The following GRM7 variants were observed in gnomAD, a reference collection of about 807,000 sequenced individuals.
The protein encoded by GRM7 is metabotropic glutamate receptor 7.
GRM7 carries 35 observed loss-of-function variants against 84.5 expected under a neutral mutation model. That is an observed-to-expected ratio of 0.41 (90% CI 0.32 to 0.55). The LOEUF (loss-of-function observed/expected upper bound fraction) is 0.55. Among genes scored for constraint, GRM7 ranks in the 20% least tolerant of loss-of-function variants. The pLI is 0.19. For synonymous variants in GRM7, 487 were observed against 455.1 expected, an observed-to-expected ratio of 1.07 and a Z score of -0.89; for missense variants, 1,003 against 1,194.6, an observed-to-expected ratio of 0.84 and a Z score of 2.36.
At chr3:7,534,909 G>A (rs527853114) in intron 7 of GRM7, among the ~76,000 whole-genome samples, 34 of 152,230 alleles carry the variant, frequency 2.2e-4, no homozygotes, top group Non-Finnish European at 4.3e-4. Context: ...GGGTGTTCTG[G>A]GGGGTGGTTG....
chr3:7,552,434 A>G (rs953334227), intron 7 of GRM7, among the ~76,000 whole-genome samples: 1 of 152,182 alleles, frequency 6.6e-6, no homozygotes, highest in African/African-American at 2.4e-5. Context: ...CAGTGCCACA[A>G]TGGGGACTCT....
Position 7,111,816 on chromosome 3 carries a change from G to C in GRM7, c.520-34636G>C, listed in dbSNP as rs551763053. 2.6e-5 allele frequency among the ~76,000 whole-genome samples: 4 copies of C among 152,176 alleles called. 1 individual carries two copies. The highest frequency in any genetic ancestry group is 9.6e-5 in the African/African-American group (4 of 41,522). On this transcript the variant is annotated intron_variant, in intron 1 of 9. Coordinates refer to ENST00000357716, the MANE Select transcript of GRM7 (RefSeq NM_000844.4). ...TCATTTCTATGTAAACTTAAGATTT[G>C]TACATAGCCTCATTTCTTTTTCTCC...
intron 1 of GRM7, among the ~76,000 whole-genome samples, chr3:7,043,013 C>G (rs993996017): frequency 6.6e-6 from 1 of 152,172 alleles, no homozygotes; most frequent in South Asian, 2.1e-4. Flanking sequence ...TGTTAAAGAG[C>G]TAAGTTTTGC....
intron 4 of GRM7, among the ~76,000 whole-genome samples, chr3:7,405,979 A>G (rs1379947096): frequency 3.3e-5 from 5 of 151,620 alleles, no homozygotes; most frequent in African/African-American, 7.3e-5. Context: ...GTAATATTAT[A>G]TATATAATGG....
intron 1 of GRM7, among the ~76,000 whole-genome samples, chr3:7,016,730 T>G (rs1391950): frequency 4.3e-4 from 66 of 152,080 alleles, no homozygotes; most frequent in African/African-American, 1.5e-3. Context: ...CATGGTATAG[T>G]GCCAACATTC....
At chr3:7,541,230 C>A (rs1489034031) in intron 7 of GRM7, among the ~76,000 whole-genome samples, 1 of 151,908 alleles carries the variant, frequency 6.6e-6, no homozygotes, top group Non-Finnish European at 1.5e-5. Context: ...TGTAAAAATG[C>A]TATTTTTCTT....
At chr3:7,698,646 G>A (rs1485969995) in intron 9 of GRM7, among the ~76,000 whole-genome samples, 1 of 152,158 alleles carries the variant, frequency 6.6e-6, no homozygotes, top group African/African-American at 2.4e-5. Context: ...CTACTGACAT[G>A]TGGGCCTGGA....
rs574329862 is a variant in GRM7, at chr3:7,127,140, T to C, written c.520-19312T>C. 2.0e-5 allele frequency among the ~76,000 whole-genome samples: 3 copies of C among 152,332 alleles called. No individual in the cohort carries two copies. In the South Asian group the frequency reaches 6.2e-4, roughly 32 times the overall value. On this transcript the variant is annotated intron_variant, in intron 1 of 9. Transcript: ENST00000357716. ...TGTAAAAAATTATCTGACACTCTTC[T>C]TCCAGAAAGGTGGAAGGATATATGT...
intron 1 of GRM7, among the ~76,000 whole-genome samples, chr3:6,991,434 T>C (rs999541211): frequency 3.3e-5 from 5 of 152,082 alleles, no homozygotes; most frequent in African/African-American, 1.2e-4. Context: ...AGAACAAATT[T>C]AGTATTCGAA....
intron 1 of GRM7, among the ~76,000 whole-genome samples, chr3:6,920,042 T>C (rs1050008244): frequency 6.6e-6 from 1 of 152,226 alleles, no homozygotes; most frequent in Non-Finnish European, 1.5e-5. Flanking sequence ...GAGACAAAGC[T>C]ATCTTGTATT....
chr3:7,557,500 C>T (rs1693826937), intron 7 of GRM7, among the ~76,000 whole-genome samples: 1 of 152,020 alleles, frequency 6.6e-6, no homozygotes, highest in South Asian at 2.1e-4. Flanking sequence ...AAATAAGTTG[C>T]CATGTATTTA....
chr3:7,013,653 T>A (rs1004996004), intron 1 of GRM7, among the ~76,000 whole-genome samples: 1 of 152,170 alleles, frequency 6.6e-6, no homozygotes, highest in Admixed American at 6.6e-5. Context: ...TGGTGGTGCG[T>A]GCCTGTGAGT....
At chr3:7,507,751 C>T (rs1253235330) in intron 7 of GRM7, among the ~76,000 whole-genome samples, 1 of 152,146 alleles carries the variant, frequency 6.6e-6, no homozygotes, top group Admixed American at 6.5e-5. Context: ...TTTTATAATT[C>T]AGTGTATTTT....
rs183208930 is a variant in GRM7, at chr3:7,656,628, G to A, written c.2452-23421G>A. On this transcript the variant is annotated intron_variant, in intron 8 of 9. Coordinates refer to ENST00000357716, the MANE Select transcript of GRM7 (RefSeq NM_000844.4). ...AAGCAGGTCGTGTTTTATGTCCCCA[G>A]GGGTAGGGAGGTTAAAGTCTCTCTG... Among the ~76,000 whole-genome samples, 379 of 151,434 alleles carry A rather than the reference G, an allele frequency of 2.5e-3. 3 individuals are homozygous for A. Among genetic ancestry groups the A allele is most frequent in the African/African-American group, 8.7e-3 (361 of 41,282 alleles).
intron 8 of GRM7, among the ~76,000 whole-genome samples, chr3:7,667,873 A>C (rs1699765095): frequency 6.6e-6 from 1 of 152,084 alleles, no homozygotes; most frequent in African/African-American, 2.4e-5. Context: ...AAAAAAAAAA[A>C]AAAAACTTCA....
At chr3:7,341,059 G>A (rs1029714263) in intron 4 of GRM7, among the ~76,000 whole-genome samples, 1 of 152,110 alleles carries the variant, frequency 6.6e-6, no homozygotes, top group Non-Finnish European at 1.5e-5. Flanking sequence ...TACAGACAAT[G>A]CTTCTCTTTG....
In GRM7 at chr3:7,151,690, G is replaced by T. The variant is rs115789223; in HGVS notation, c.736+5022G>T. Reference sequence around the variant, plus strand: ...AGGAAGAATTGTGTTTTTCCCCTTTGCCCTTTAGGAAAAAAGGAAGCATGT... The same window carrying T: ...AGGAAGAATTGTGTTTTTCCCCTTTTCCCTTTAGGAAAAAAGGAAGCATGT... On this transcript the variant is annotated intron_variant, in intron 2 of 9. Coordinates refer to ENST00000357716, the MANE Select transcript of GRM7 (RefSeq NM_000844.4). This position sits in a 1 kb window ranked among gnomAD's most constrained non-coding sequence, Gnocchi z 4.5. 1.5e-3 allele frequency among the ~76,000 whole-genome samples: 223 copies of T among 152,050 alleles called. 1 individual carries two copies. The highest frequency in any genetic ancestry group is 4.8e-3 in the African/African-American group (198 of 41,502).
intron 2 of GRM7, among the ~76,000 whole-genome samples, chr3:7,286,197 C>A (rs930901204): frequency 6.6e-5 from 10 of 152,088 alleles, no homozygotes; most frequent in Non-Finnish European, 1.3e-4. Context: ...AAATTAAAAC[C>A]CATATTCATT....
intron 1 of GRM7, among the ~76,000 whole-genome samples, chr3:6,917,833 A>G (rs1345135728): frequency 2.0e-4 from 30 of 152,102 alleles, no homozygotes; most frequent in Admixed American, 2.0e-3. Context: ...TATTTTCATA[A>G]CTCCTTAAGG....
Sources: allele counts gnomAD v4.1 joint callset (sites outside exome capture counted in the v4.1 genomes callset), GRCh38; gene constraint gnomAD v4.1.1; non-coding constraint Gnocchi (gnomAD v3.1); transcripts MANE v1.5; gene names NCBI Gene and HGNC (gene_info 2026-07-23, HGNC 2026-07-21).